AKT3: variants seen among roughly 807,000 people sequenced by gnomAD.
AKT3 encodes AKT serine/threonine kinase 3.
A neutral mutation model predicts 65.3 loss-of-function variants in AKT3; 15 were observed. The ratio of observed to expected loss-of-function variants is 0.23; its 90% confidence interval spans 0.15 to 0.35. AKT3 has a LOEUF of 0.35. AKT3 is among the 10% of genes least tolerant of loss of function. The probability of loss-of-function intolerance (pLI) is 1.00; values close to 1 mark genes in which losing one functional copy is unlikely to be tolerated. For synonymous variants in AKT3, 206 were observed against 183.8 expected, an observed-to-expected ratio of 1.12 and a Z score of -0.98; for missense variants, 243 against 576.5, an observed-to-expected ratio of 0.42 and a Z score of 5.92.
At chr1:243,599,992 T>C (rs1245533405) in intron 8 of AKT3, among the ~76,000 whole-genome samples, 3 of 152,092 alleles carry the variant, frequency 2.0e-5, no homozygotes, top group African/African-American at 7.2e-5. Flanking sequence ...CAACTGTATG[T>C]CTATATATTA....
chr1:243,683,792 A>G (rs1486565734), intron 3 of AKT3, among the ~76,000 whole-genome samples: 1 of 152,198 alleles, frequency 6.6e-6, no homozygotes, highest in Non-Finnish European at 1.5e-5. Context: ...GCCTTCCTTT[A>G]AAAACAATCC....
chr1:243,846,935 G>C (rs544455730), intron 1 of AKT3, among the ~76,000 whole-genome samples: 1 of 152,294 alleles, frequency 6.6e-6, no homozygotes, highest in East Asian at 1.9e-4. Context: ...AAAGCACATA[G>C]AACAGTGCCT....
downstream of AKT3, among the ~76,000 whole-genome samples, chr1:243,498,237 C>A (rs893409985): frequency 3.3e-5 from 5 of 150,826 alleles, no homozygotes; most frequent in African/African-American, 1.2e-4. Flanking sequence ...ACAATCAGAT[C>A]GTGTTGGTGG....
downstream of AKT3, chr1:243,499,620 T>G (rs776932982): frequency 7.4e-5 from 55 of 740,002 alleles, no homozygotes; most frequent in Non-Finnish European, 1.2e-4. Context: ...TTCATATAAT[T>G]TCCACATTTT....
intron 9 of AKT3, among the ~76,000 whole-genome samples, chr1:243,569,773 G>C (rs1412152018): frequency 6.6e-6 from 1 of 152,138 alleles, no homozygotes; most frequent in African/African-American, 2.4e-5. Context: ...AATTCTTAAT[G>C]ATTTCCAATA....
At position 243,619,826 on chromosome 1, in the gene AKT3, A is replaced by G. The variant is rs1256655401; in HGVS notation, c.562-4665T>C. On this transcript the variant is annotated intron_variant, in intron 6 of 13. Coordinates refer to ENST00000673466, the MANE Select transcript of AKT3 (RefSeq NM_005465.7). ...CTAAGGGTGTAGATGTCTCCCCGAT[A>G]TGATGATTTCCTTTGTTTTGGATAT... 2.1e-5 allele frequency among the ~76,000 whole-genome samples: 2 copies of G among 95,260 alleles called. 1 individual carries two copies. Among genetic ancestry groups the G allele is most frequent in the Non-Finnish European group, 5.9e-5 (2 of 33,868 alleles). 62.5% of individuals were successfully genotyped at this position (95,260 alleles called of 152,430 possible).
chr1:243,511,636 AATG>A (rs1345214833), intron 13 of AKT3, among the ~76,000 whole-genome samples: 1 of 152,238 alleles, frequency 6.6e-6, no homozygotes, highest in Non-Finnish European at 1.5e-5. Context: ...TTCTTAAGTT[AATG>A]ATGATACACA....
chr1:243,705,356 G>A (rs903704626), intron 2 of AKT3, among the ~76,000 whole-genome samples: 4 of 152,008 alleles, frequency 2.6e-5, no homozygotes, highest in Non-Finnish European at 4.4e-5. Context: ...CAGTATGGTT[G>A]GTTTGTTAGT....
chr1:243,811,486 G>A (rs1189573980), intron 2 of AKT3, among the ~76,000 whole-genome samples: 1 of 152,124 alleles, frequency 6.6e-6, no homozygotes, highest in Non-Finnish European at 1.5e-5. Context: ...CCTCCTTCAA[G>A]GAGAACTACA....
chr1:243,835,635 G>T (rs1694848374), intron 2 of AKT3, among the ~76,000 whole-genome samples: 1 of 152,062 alleles, frequency 6.6e-6, no homozygotes, highest in South Asian at 2.1e-4. Flanking sequence ...AGATATATCT[G>T]TTTATATAAT....
intron 2 of AKT3, among the ~76,000 whole-genome samples, chr1:243,826,243 T>G (rs2148436828): frequency 6.6e-6 from 1 of 152,358 alleles, no homozygotes; most frequent in East Asian, 1.9e-4. Flanking sequence ...AATGTTGGTA[T>G]GTCAAATTTT....
At chr1:243,830,510 G>A (rs1018457335) in intron 2 of AKT3, among the ~76,000 whole-genome samples, 4 of 152,108 alleles carry the variant, frequency 2.6e-5, no homozygotes, top group African/African-American at 4.8e-5. Context: ...CGAAAAATCC[G>A]AAGGCCTATA....
chr1:243,752,999 C>T (rs534485469), intron 2 of AKT3, among the ~76,000 whole-genome samples: 39 of 152,308 alleles, frequency 2.6e-4, no homozygotes, highest in Admixed American at 1.9e-3. Context: ...TCTTTTCCTA[C>T]ATCCTCTTGT....
chr1:243,561,460 A>C (rs1673769085), intron 10 of AKT3, among the ~76,000 whole-genome samples: 1 of 152,148 alleles, frequency 6.6e-6, no homozygotes, highest in Non-Finnish European at 1.5e-5. Flanking sequence ...CACTAATTAG[A>C]ATCTTCATTA....
intron 2 of AKT3, among the ~76,000 whole-genome samples, chr1:243,833,229 G>T (rs1336378757): frequency 6.6e-6 from 1 of 152,128 alleles, no homozygotes; most frequent in African/African-American, 2.4e-5. Context: ...TTCAGCCTGG[G>T]TGATAGAGCA....
intron 2 of AKT3, among the ~76,000 whole-genome samples, chr1:243,810,961 T>C (rs1160255690): frequency 1.3e-5 from 2 of 152,134 alleles, no homozygotes; most frequent in African/African-American, 2.4e-5. Context: ...AGGCCTTTGA[T>C]AAAATTCAAC....
At chr1:243,583,392 T>G (rs1472210521) in intron 8 of AKT3, among the ~76,000 whole-genome samples, 2 of 149,856 alleles carry the variant, frequency 1.3e-5, no homozygotes, top group African/African-American at 4.9e-5. Flanking sequence ...AGTCACACAT[T>G]CTGGACTTAA....
At chr1:243,636,467 T>C (rs1456614286) in intron 6 of AKT3, among the ~76,000 whole-genome samples, 2 of 147,426 alleles carry the variant, frequency 1.4e-5, no homozygotes, top group African/African-American at 2.4e-5. Flanking sequence ...TCAGCTTAAT[T>C]AATAATAAGT....
intron 6 of AKT3, among the ~76,000 whole-genome samples, chr1:243,616,020 T>C (rs2148609798): frequency 6.6e-6 from 1 of 152,024 alleles, no homozygotes; most frequent in South Asian, 2.1e-4. Context: ...AGACTACAGG[T>C]TGTTTTTTTT....
Sources: gnomAD v4.1 joint callset for allele counts (sites outside exome capture counted in the v4.1 genomes callset) on GRCh38, gnomAD v4.1.1 for gene constraint, MANE v1.5 for transcripts, NCBI Gene and HGNC (gene_info 2026-07-23, HGNC 2026-07-21) for gene names.